The following NAV2 variants were observed in gnomAD, a reference collection of about 807,000 sequenced individuals.
NAV2 encodes the protein helicase, APC down-regulated 1.
NAV2 carries 54 observed loss-of-function variants against 223.2 expected under a neutral mutation model. The ratio of observed to expected loss-of-function variants is 0.24; its 90% CI spans 0.19 to 0.30. NAV2 has a LOEUF of 0.30. NAV2 is among the 10% of genes least tolerant of loss of function. The pLI is 1.00. For synonymous variants in NAV2, 1,279 were observed against 1,239.3 expected, an observed-to-expected ratio of 1.03 and a Z score of -0.67; for missense variants, 2,806 against 3,147.5, an observed-to-expected ratio of 0.89 and a Z score of 2.60.
At chr11:19,439,274 T>G (rs147719785) in intron 1 of NAV2, among the ~76,000 whole-genome samples, 3 of 152,080 alleles carry the variant, frequency 2.0e-5, no homozygotes, top group African/African-American at 7.2e-5. Flanking sequence ...ACCAGCTAAG[T>G]GGCAGTGATA....
At chr11:20,009,009 C>G (rs1297184103) in intron 11 of NAV2, among the ~76,000 whole-genome samples, 1 of 152,168 alleles carries the variant, frequency 6.6e-6, no homozygotes, top group Non-Finnish European at 1.5e-5. Context: ...ACCATCACTT[C>G]CTGTAGTGCT....
chr11:19,421,829 C>A (rs1850625838), intron 1 of NAV2, among the ~76,000 whole-genome samples: 1 of 119,880 alleles, frequency 8.3e-6, no homozygotes, highest in South Asian at 2.9e-4. Flanking sequence ...TGACCATTAA[C>A]CCTTATTACA....
intron 11 of NAV2, among the ~76,000 whole-genome samples, chr11:20,005,867 T>C (rs551731068): frequency 2.0e-5 from 3 of 152,336 alleles, no homozygotes; most frequent in South Asian, 4.1e-4. Context: ...GCAGCTAACA[T>C]GTATGTAGCA....
rs1312167672 is a variant in NAV2 at position 19,547,355 on chromosome 11, G to T, written c.75+196328G>T. Among the ~76,000 whole-genome samples, 11 of 152,298 alleles carry T rather than the reference G, an allele frequency of 7.2e-5. No individual in the cohort carries two copies. In the South Asian group the frequency reaches 2.3e-3, roughly 32 times the overall value. On this transcript the variant is annotated intron_variant, in intron 1 of 37. Coordinates refer to the NAV2 transcript ENST00000360655. ...CCAAATGTAATGCCAAATCAAAGCA[G>T]GATTTAACTATGAAACACAAAACTG...
intron 1 of NAV2, among the ~76,000 whole-genome samples, chr11:19,824,021 T>C (rs1434582618): frequency 6.6e-6 from 1 of 152,230 alleles, no homozygotes; most frequent in Non-Finnish European, 1.5e-5. Flanking sequence ...TTAAAATGTG[T>C]GGCTCTCAGA....
intron 4 of NAV2, among the ~76,000 whole-genome samples, chr11:19,869,377 G>A (rs2625314): frequency 0.88 from 133,560 of 152,252 alleles, 58,700 homozygotes; most frequent in East Asian, 1. Flanking sequence ...TACAGTTCCC[G>A]GGGAAAAATG....
At chr11:19,767,163 T>G (rs957005900) in intron 1 of NAV2, among the ~76,000 whole-genome samples, 1 of 152,192 alleles carries the variant, frequency 6.6e-6, no homozygotes. Context: ...TCCCCTAGGA[T>G]AGAAACTGGG....
intron 1 of NAV2, among the ~76,000 whole-genome samples, chr11:19,719,664 C>G (rs1283155817): frequency 6.6e-6 from 1 of 152,232 alleles, no homozygotes; most frequent in African/African-American, 2.4e-5. Flanking sequence ...CACCCTACCT[C>G]TCTGCCTCCC....
Position 20,014,489 on chromosome 11 carries a change from A to T in NAV2, c.2769-21470A>T, listed in dbSNP as rs189564342. ...AGACCATGGCTAGGTGTATTTGGTCATGTCTGTAATATTCCAGCACTTTGG... is the reference window on the plus strand; with the variant it reads ...AGACCATGGCTAGGTGTATTTGGTCTTGTCTGTAATATTCCAGCACTTTGG... On this transcript the variant is annotated intron_variant, in intron 11 of 37. Coordinates refer to ENST00000349880, the MANE Select transcript of NAV2 (RefSeq NM_145117.5). Among the ~76,000 whole-genome samples, 15 of 152,322 alleles carry T rather than the reference A, an allele frequency of 9.8e-5. No individual in the cohort carries two copies. The East Asian group carries it at 2.9e-3, about 29-fold the overall frequency.
At chr11:19,456,965 C>T (rs543302975) in intron 1 of NAV2, among the ~76,000 whole-genome samples, 27 of 152,308 alleles carry the variant, frequency 1.8e-4, no homozygotes, top group African/African-American at 6.5e-4. Flanking sequence ...TTGCTTCCCA[C>T]CTCTTAGGAC....
At chr11:20,001,703 T>G (rs2052566239) in intron 11 of NAV2, among the ~76,000 whole-genome samples, 4 of 44,126 alleles carry the variant, frequency 9.1e-5, no homozygotes, top group South Asian at 9.5e-4. Context: ...TGGGGCCTGT[T>G]GTGGGGTGGG....
intron 1 of NAV2, among the ~76,000 whole-genome samples, chr11:19,756,652 C>T (rs1415729642): frequency 6.6e-6 from 1 of 152,170 alleles, no homozygotes; most frequent in Non-Finnish European, 1.5e-5. Context: ...GCAGCCTTTT[C>T]TTCTTTTTGG....
chr11:19,761,593 C>T (rs2054739905), intron 1 of NAV2, among the ~76,000 whole-genome samples: 1 of 152,194 alleles, frequency 6.6e-6, no homozygotes, highest in Non-Finnish European at 1.5e-5. Context: ...ACAACAATGG[C>T]CAGTGTCACT....
chr11:20,068,216 A>C lies in NAV2; in HGVS notation c.4908+7A>C, dbSNP rs1240454862. The C allele has an allele frequency of 6.2e-7, 1 of 1,613,950 alleles. No homozygotes were observed. The highest frequency in any genetic ancestry group is 8.5e-7 in the Non-Finnish European group (1 of 1,179,922). On this transcript the variant is annotated splice_region_variant and intron_variant, in intron 21 of 37. Coordinates refer to ENST00000349880, the MANE Select transcript of NAV2 (RefSeq NM_145117.5). The stretch of plus-strand genomic sequence containing the variant: ...AGAAAAATGCCAGTCAGAGGTAAGG[A>C]ACAGCTTTCTGGTTGGATTTCCTCT...
chr11:19,401,507 T>G (rs1240844900), intron 1 of NAV2, among the ~76,000 whole-genome samples: 1 of 152,228 alleles, frequency 6.6e-6, no homozygotes, highest in Non-Finnish European at 1.5e-5. Flanking sequence ...CAGCCAAGCT[T>G]TATTTGGCCT....
chr11:20,001,426 G>T (rs2052531198), intron 11 of NAV2, among the ~76,000 whole-genome samples: 1 of 152,074 alleles, frequency 6.6e-6, no homozygotes, highest in Non-Finnish European at 1.5e-5. Context: ...TATGATGTCT[G>T]CCACATAGTC....
intron 1 of NAV2, among the ~76,000 whole-genome samples, chr11:19,529,201 A>G (rs1389971926): frequency 6.6e-6 from 1 of 152,232 alleles, no homozygotes; most frequent in Non-Finnish European, 1.5e-5. Context: ...ACTTCACTGT[A>G]GTCTGTTCCT....
chr11:19,508,043 G>T (rs1436152594), intron 1 of NAV2, among the ~76,000 whole-genome samples: 1 of 152,232 alleles, frequency 6.6e-6, no homozygotes, highest in African/African-American at 2.4e-5. Flanking sequence ...GCTCTGAAAG[G>T]TTGGTCCTTG....
intron 1 of NAV2, among the ~76,000 whole-genome samples, chr11:19,571,693 C>T (rs149145449): frequency 0.028 from 4,121 of 149,760 alleles, 145 homozygotes; most frequent in South Asian, 0.085. Context: ...GCAACAAGAG[C>T]GAGACTCCAT....
Sources: gnomAD v4.1 joint callset for allele counts (sites outside exome capture counted in the v4.1 genomes callset) on GRCh38, gnomAD v4.1.1 for gene constraint, MANE v1.5 for transcripts, NCBI Gene and HGNC (gene_info 2026-07-23, HGNC 2026-07-21) for gene names.